The following CELF1 variants were observed in gnomAD, a reference collection of about 807,000 sequenced individuals.
The protein encoded by CELF1 is CUGBP Elav-like family member 1, also known as 50 kDa nuclear polyadenylated RNA-binding protein.
In CELF1, 10 loss-of-function variants were observed where a neutral mutation model predicts 61.8. The ratio of observed to expected loss-of-function variants is 0.16; its 90% CI spans 0.10 to 0.27. The LOEUF (loss-of-function observed/expected upper bound fraction) is 0.27, where lower values mean the gene tolerates loss of function less well. CELF1 is among the 10% of genes least tolerant of loss of function. The pLI, the probability that CELF1 is intolerant of heterozygous loss-of-function variation, is 1.00. For missense variants in CELF1, 380 were observed against 639.1 expected, an observed-to-expected ratio of 0.59 and a Z score of 4.37; for synonymous variants, 236 against 225.1, an observed-to-expected ratio of 1.05 and a Z score of -0.43.
At chr11:47,527,617 C>T (rs1361600612) in intron 1 of CELF1, among the ~76,000 whole-genome samples, 3 of 152,110 alleles carry the variant, frequency 2.0e-5, no homozygotes, top group African/African-American at 7.2e-5. Context: ...ATTGTATATA[C>T]TGACTTCATT....
At chr11:47,507,215 C>G (rs1488305387) in intron 1 of CELF1, among the ~76,000 whole-genome samples, 1 of 152,192 alleles carries the variant, frequency 6.6e-6, no homozygotes, top group African/African-American at 2.4e-5. Flanking sequence ...AATTTCAGTA[C>G]ATCTAGGTCA....
chr11:47,481,798 A>G (rs919229429), intron 9 of CELF1, among the ~76,000 whole-genome samples: 2 of 152,352 alleles, frequency 1.3e-5, no homozygotes, highest in African/African-American at 4.8e-5. Context: ...TGGACTAGAC[A>G]ACCTTCTTTT....
chr11:47,511,836 G>C (rs1597462781), intron 1 of CELF1, among the ~76,000 whole-genome samples: 1 of 151,984 alleles, frequency 6.6e-6, no homozygotes, highest in Admixed American at 6.6e-5. Context: ...TAAATGCTAA[G>C]GGCCATAAAG....
At chr11:47,562,656 TCAGGAGGATTGTTTGAGCC>T (rs1463561694) in intron 2 of CELF1, among the ~76,000 whole-genome samples, 1 of 150,346 alleles carries the variant, frequency 6.7e-6, no homozygotes, top group Non-Finnish European at 1.5e-5. Context: ...GGAGGCCAAA[TCAGGAGGATTGTTTGAGCC>T]CAGGAGTTCC....
intron 1 of CELF1, among the ~76,000 whole-genome samples, chr11:47,522,202 C>G (rs2095948768): frequency 6.6e-6 from 1 of 151,792 alleles, no homozygotes; most frequent in Non-Finnish European, 1.5e-5. Context: ...TGTGAGCCAC[C>G]TTGCCCAGCT....
intron 2 of CELF1, among the ~76,000 whole-genome samples, chr11:47,562,295 G>A (rs999580030): frequency 3.3e-5 from 5 of 151,556 alleles, no homozygotes; most frequent in African/African-American, 1.2e-4. Context: ...AGAGGCTGAG[G>A]CAGGCAGATC....
chr11:47,550,415 C>T (rs12225051), intron 1 of CELF1, among the ~76,000 whole-genome samples: 30,475 of 151,890 alleles, frequency 0.2, 3,890 homozygotes, highest in East Asian at 0.28. Flanking sequence ...CCTGTAATCA[C>T]AGCTACTCGG....
At chr11:47,495,875 A>C in intron 3 of CELF1, 1 of 470,558 alleles carries the variant, frequency 2.1e-6, no homozygotes, top group Non-Finnish European at 2.8e-6. Flanking sequence ...TTATTTTTTC[A>C]CTCCCCCTTT....
intron 1 of CELF1, among the ~76,000 whole-genome samples, chr11:47,533,079 T>C (rs2096529502): frequency 6.6e-6 from 1 of 152,050 alleles, no homozygotes; most frequent in Admixed American, 6.6e-5. Context: ...GGCTTTTTTT[T>C]TTCTATCACA....
At chr11:47,549,204 C>T (rs951818310) in intron 1 of CELF1, among the ~76,000 whole-genome samples, 1 of 152,148 alleles carries the variant, frequency 6.6e-6, no homozygotes, top group African/African-American at 2.4e-5. Context: ...TATAGGGGTT[C>T]TTCAAAAAAC....
chr11:47,515,565 G>C (rs1194976584), intron 1 of CELF1, among the ~76,000 whole-genome samples: 1 of 152,196 alleles, frequency 6.6e-6, no homozygotes, highest in Non-Finnish European at 1.5e-5. Context: ...CCATATGTTA[G>C]TACCATGTAG....
chr11:47,538,877 C>T (rs2096704198), intron 1 of CELF1, among the ~76,000 whole-genome samples: 1 of 152,196 alleles, frequency 6.6e-6, no homozygotes, highest in Non-Finnish European at 1.5e-5. Context: ...CACTGTGATG[C>T]TCCTCTCACA....
rs1407220413 is a variant in CELF1, at chr11:47,468,145, ATGGGGC to A, written c.*4079_*4084del. 6.6e-6 allele frequency: 1 copy of A among 152,214 alleles called. No homozygotes were observed. The highest frequency in any genetic ancestry group is 2.4e-5 in the African/African-American group (1 of 41,456). The allele number at this position is 152,214 out of a possible 1,614,324, so 9.4% of individuals were successfully genotyped here. On this transcript the variant is annotated 3_prime_UTR_variant, in exon 15 of 15. Transcript: ENST00000687097. ...TGCTGTGGAGACTGTTGGAACAAGC[ATGGGGC>A]TGAGGGGAAGGGGCAGGCGGGATAT...
chr11:47,484,349 C>T, intron 7 of CELF1, 40 bp downstream of exon 7: 1 of 1,572,768 alleles, frequency 6.4e-7, no homozygotes, highest in Middle Eastern at 1.7e-4. Context: ...CAAACCAAAA[C>T]AAAAAACCAA....
intron 9 of CELF1, among the ~76,000 whole-genome samples, chr11:47,481,425 C>T (rs1453341176): frequency 4.6e-5 from 7 of 152,010 alleles, no homozygotes; most frequent in South Asian, 2.1e-4. Context: ...TCACAGCGCC[C>T]GGCCTAAACT....
Position 47,468,589 on chromosome 11 carries a change from T to C in CELF1, c.*3641A>G, listed in dbSNP as rs1302116400. ...GAATCACAAAATCAAGTGGTTATCTTATGAAGTTCTAGAAAAATAGATTTT... is the reference window on the plus strand; with the variant it reads ...GAATCACAAAATCAAGTGGTTATCTCATGAAGTTCTAGAAAAATAGATTTT... On this transcript the variant is annotated 3_prime_UTR_variant, in exon 15 of 15. Coordinates refer to ENST00000687097, the MANE Select transcript of CELF1 (RefSeq NM_001376376.1). 2 of 152,524 alleles carry C rather than the reference T, an allele frequency of 1.3e-5. No homozygotes were observed. The highest frequency in any genetic ancestry group is 2.9e-5 in the Non-Finnish European group (2 of 68,034). 9.4% of individuals were successfully genotyped at this position (152,524 alleles called of 1,614,324 possible).
chr11:47,564,703 A>G (rs1260869576), intron 1 of CELF1, among the ~76,000 whole-genome samples: 1 of 152,104 alleles, frequency 6.6e-6, no homozygotes, highest in African/African-American at 2.4e-5. Flanking sequence ...AGGCAGGAGA[A>G]TCGTTTGAAC....
intron 3 of CELF1, chr11:47,496,004 C>T: frequency 1.0e-6 from 1 of 985,362 alleles, no homozygotes; most frequent in Non-Finnish European, 1.2e-6. Flanking sequence ...CTGCTACCAC[C>T]CACCCTTATA....
At chr11:47,555,520 C>T (rs1038831631), upstream of CELF1, among the ~76,000 whole-genome samples, 1 of 152,004 alleles carries the variant, frequency 6.6e-6, no homozygotes, top group African/African-American at 2.4e-5. Context: ...AGACTGTTAG[C>T]CCAAGGTTGG....
Sources: allele counts gnomAD v4.1 joint callset (sites outside exome capture counted in the v4.1 genomes callset), GRCh38; gene constraint gnomAD v4.1.1; transcripts MANE v1.5; gene names NCBI Gene and HGNC (gene_info 2026-07-23, HGNC 2026-07-21).